The following PIK3R5 variants were observed in gnomAD, a reference collection of about 807,000 sequenced individuals.
The protein encoded by PIK3R5 is phosphoinositide-3-kinase regulatory subunit 5.
PIK3R5 carries 32 observed loss-of-function variants against 94.9 expected under a neutral mutation model. The observed-to-expected ratio is 0.34, with a 90% CI of 0.25 to 0.45. The LOEUF (loss-of-function observed/expected upper bound fraction) is 0.45. PIK3R5 is among the 20% of genes least tolerant of loss of function. The pLI, the probability that PIK3R5 is intolerant of heterozygous loss-of-function variation, is 1.00. For synonymous variants in PIK3R5, 443 were observed against 479.4 expected, an observed-to-expected ratio of 0.92 and a Z score of 0.99; for missense variants, 853 against 1,144.6, an observed-to-expected ratio of 0.75 and a Z score of 3.68.
Position 8,881,910 on chromosome 17 carries a change from GA to G in PIK3R5, c.2206-30del. 3 of 1,564,018 alleles carry G rather than the reference GA, an allele frequency of 1.9e-6. No individual in the cohort carries two copies. Among genetic ancestry groups the G allele is most frequent in the Non-Finnish European group, 2.6e-6 (3 of 1,138,900 alleles). On this transcript the variant is annotated intron_variant, in intron 15 of 18. Transcript: ENST00000447110. The surrounding 1 kb of genome is among the most constrained non-coding windows in gnomAD (Gnocchi z 4.8). ...GAAATGCAGTGTAGCCAGACCCTCT[GA>G]GTCCAGAGGCCCCGGTGCCTGCTGC...
Position 8,927,541 on chromosome 17 carries a change from T to C in PIK3R5, c.-13-16034A>G, listed in dbSNP as rs114621658. On this transcript the variant is annotated intron_variant, in intron 1 of 18. Transcript: ENST00000447110. ...GTAAAGAGACACCTCCATGATAAGA[T>C]GATGTCAGAGGAAGCCTAGCAGGGA... 5.5e-3 allele frequency among the ~76,000 whole-genome samples: 843 copies of C among 152,220 alleles called. 5 individuals are homozygous for C. Among genetic ancestry groups the C allele is most frequent in the African/African-American group, 0.019 (801 of 41,538 alleles).
rs1340576217 is a variant in PIK3R5 at position 8,911,528 on chromosome 17, G to A, written c.-13-21C>T. ...ATCGCCTGCATGGGGGACAGACGCCGGTCAGCTTGTCGAGCTCCTTTCCCA... is the reference window on the plus strand; with the variant it reads ...ATCGCCTGCATGGGGGACAGACGCCAGTCAGCTTGTCGAGCTCCTTTCCCA... On this transcript the variant is annotated intron_variant, in intron 1 of 18. Transcript: ENST00000447110. This position sits in a 1 kb window ranked among gnomAD's most constrained non-coding sequence, Gnocchi z 5.3. 14 of 1,515,052 alleles carry A rather than the reference G, an allele frequency of 9.2e-6. No homozygotes were observed. The highest frequency in any genetic ancestry group is 6.8e-5 in the African/African-American group (5 of 73,418). The allele number at this position is 1,515,052 out of a possible 1,614,324, so 93.9% of individuals were successfully genotyped here. A position where few individuals can be genotyped will look rare whatever the true frequency, so the allele number is the denominator to read the frequency against.
In PIK3R5 at chr17:8,942,899, C is replaced by T. The variant is rs560314874; in HGVS notation, c.-14+22697G>A. Among the ~76,000 whole-genome samples the T allele has an allele frequency of 1.3e-4, 19 of 151,856 alleles. No individual in the cohort carries two copies. The East Asian group carries it at 3.3e-3, about 26-fold the overall frequency. On this transcript the variant is annotated intron_variant, in intron 1 of 18. Transcript: ENST00000447110. ...GGGATTACAGGTGTGAACCACTGCA[C>T]CCGGCCCTGTCAGCCTTATTCTTAT...
chr17:8,944,472 C>T (rs1403658408), intron 1 of PIK3R5, among the ~76,000 whole-genome samples: 1 of 152,170 alleles, frequency 6.6e-6, no homozygotes, highest in East Asian at 1.9e-4. Flanking sequence ...CTGTTGTGTG[C>T]CCATCATCAG....
intron 1 of PIK3R5, among the ~76,000 whole-genome samples, chr17:8,953,938 G>A (rs2091422966): frequency 6.6e-6 from 1 of 152,060 alleles, no homozygotes; most frequent in Non-Finnish European, 1.5e-5. Context: ...TCTCAGATAT[G>A]CACGGAGAGA....
chr17:8,951,239 C>T (rs2091369846), intron 1 of PIK3R5, among the ~76,000 whole-genome samples: 1 of 152,114 alleles, frequency 6.6e-6, no homozygotes, highest in Admixed American at 6.6e-5. Context: ...ATATTTTCTC[C>T]CATTCTGTAG....
In PIK3R5 at chr17:8,912,933, C is replaced by T. The variant is rs554201849; in HGVS notation, c.-13-1426G>A. On this transcript the variant is annotated intron_variant, in intron 1 of 18. Coordinates refer to ENST00000447110, the MANE Select transcript of PIK3R5 (RefSeq NM_001142633.3). ...AAGCCGGACAGTGCAGCAGTGGGCA[C>T]GCAGGAAGCGGCACACGCACCTTGG... 7.2e-5 allele frequency among the ~76,000 whole-genome samples: 11 copies of T among 152,288 alleles called. No homozygotes were observed. The South Asian group carries it at 1.7e-3, about 23-fold the overall frequency.
At position 8,889,929 on chromosome 17, in the gene PIK3R5, G is replaced by A. The variant is rs779505191; in HGVS notation, c.811+44C>T. ...CCGTGCACCTTGGGACCTAGAATAG[G>A]CCATGGGGAATGTGGGAGAACCCCA... On this transcript the variant is annotated intron_variant, in intron 8 of 18. Coordinates refer to ENST00000447110, the MANE Select transcript of PIK3R5 (RefSeq NM_001142633.3). This position sits in a 1 kb window ranked among gnomAD's most constrained non-coding sequence, Gnocchi z 4.1. 1 of 1,606,722 alleles carries A rather than the reference G, an allele frequency of 6.2e-7. No individual in the cohort carries two copies. Among genetic ancestry groups the A allele is most frequent in the Admixed American group, 1.7e-5 (1 of 59,940 alleles).
rs759023659 is a variant in PIK3R5, at chr17:8,893,082, GTGTT to G, written c.482+500_482+503del. Among the ~76,000 whole-genome samples, 3,226 of 101,340 alleles carry G rather than the reference GTGTT, an allele frequency of 0.032. 40 individuals are homozygous for G. Among genetic ancestry groups the G allele is most frequent in the Middle Eastern group, 0.098 (16 of 164 alleles). 66.5% of individuals were successfully genotyped at this position (101,340 alleles called of 152,430 possible). Reference sequence around the variant, plus strand: ...TGTGTGTGTGTGTGTGTGTGTGTGTGTGTTTGTGTATCAGGCTGTCATATAAAAT... The same window carrying G: ...TGTGTGTGTGTGTGTGTGTGTGTGTGTGTGTATCAGGCTGTCATATAAAAT... On this transcript the variant is annotated intron_variant, in intron 6 of 18. Coordinates refer to ENST00000447110, the MANE Select transcript of PIK3R5 (RefSeq NM_001142633.3). The surrounding 1 kb of genome is among the most constrained non-coding windows in gnomAD (Gnocchi z 5.1).
rs1045208084 is a variant in PIK3R5 at position 8,893,935 on chromosome 17, T to A, written c.413-280A>T. 4 of 286,346 alleles carry A rather than the reference T, an allele frequency of 1.4e-5. No homozygotes were observed. The highest frequency in any genetic ancestry group is 1.0e-3 in the Middle Eastern group (1 of 984). 17.7% of individuals were successfully genotyped at this position (286,346 alleles called of 1,614,324 possible). The stretch of plus-strand genomic sequence containing the variant: ...TCTGGATTCCCGTGGCCTCTCTGAC[T>A]GCCCTCCCTTCCTAAGAGCTTTCCA... On this transcript the variant is annotated intron_variant, in intron 5 of 18. Transcript: ENST00000447110. The surrounding 1 kb of genome is among the most constrained non-coding windows in gnomAD (Gnocchi z 5.1).
chr17:8,937,777 T>A (rs2091101704), intron 1 of PIK3R5, among the ~76,000 whole-genome samples: 1 of 152,220 alleles, frequency 6.6e-6, no homozygotes, highest in South Asian at 2.1e-4. Flanking sequence ...CCTCTTCTTC[T>A]ATTTTCTGGA....
chr17:8,893,235 C>T lies in PIK3R5; in HGVS notation c.482+351G>A, dbSNP rs2090070152. ...CTGAGGGTTAAATTCTGGCTCGTAC[C>T]CTTGCTCGCTGTGTGACCTTGGGGA... On this transcript the variant is annotated intron_variant, in intron 6 of 18. Coordinates refer to ENST00000447110, the MANE Select transcript of PIK3R5 (RefSeq NM_001142633.3). The surrounding 1 kb of genome is among the most constrained non-coding windows in gnomAD (Gnocchi z 5.1). Among the ~76,000 whole-genome samples, 1 of 152,028 alleles carries T rather than the reference C, an allele frequency of 6.6e-6. No individual in the cohort carries two copies. The highest frequency in any genetic ancestry group is 1.5e-5 in the Non-Finnish European group (1 of 68,016).
rs543814461 is a variant in PIK3R5 at position 8,935,700 on chromosome 17, C to T, written c.-13-24193G>A. ...GGAAGGTTTGTGGCAGGAAAGTGAA[C>T]AGCTCTGAGCTCCCGGACAGCTCCT... On this transcript the variant is annotated intron_variant, in intron 1 of 18. Coordinates refer to ENST00000447110, the MANE Select transcript of PIK3R5 (RefSeq NM_001142633.3). This position sits in a 1 kb window ranked among gnomAD's most constrained non-coding sequence, Gnocchi z 4.5. 1.2e-4 allele frequency among the ~76,000 whole-genome samples: 19 copies of T among 152,248 alleles called. No individual in the cohort carries two copies. In the South Asian group the frequency reaches 3.9e-3, roughly 32 times the overall value.
At chr17:8,913,316 G>C (rs2090564987) in intron 1 of PIK3R5, among the ~76,000 whole-genome samples, 1 of 152,202 alleles carries the variant, frequency 6.6e-6, no homozygotes, top group African/African-American at 2.4e-5. Context: ...CTGGACCCAG[G>C]AGTATATGCC....
chr17:8,913,232 AG>A (rs1262855287), intron 1 of PIK3R5, among the ~76,000 whole-genome samples: 1 of 152,162 alleles, frequency 6.6e-6, no homozygotes, highest in East Asian at 1.9e-4. Flanking sequence ...AGGGCAAATG[AG>A]GGGGAAGAGT....
Position 8,888,937 on chromosome 17 carries a change from A to T in PIK3R5, c.896-46T>A. On this transcript the variant is annotated intron_variant, in intron 9 of 18. Coordinates refer to ENST00000447110, the MANE Select transcript of PIK3R5 (RefSeq NM_001142633.3). The surrounding 1 kb of genome is among the most constrained non-coding windows in gnomAD (Gnocchi z 7.8). ...CACTGTCTGGGCGTCTGGGCCCCGG[A>T]TCCCCTTCTATATTCCCTTTGGAGG... 1 of 1,556,450 alleles carries T rather than the reference A, an allele frequency of 6.4e-7. No homozygotes were observed. Among genetic ancestry groups the T allele is most frequent in the Non-Finnish European group, 8.7e-7 (1 of 1,155,876 alleles).
chr17:8,913,400 T>A (rs1296289459), intron 1 of PIK3R5, among the ~76,000 whole-genome samples: 4 of 152,156 alleles, frequency 2.6e-5, no homozygotes, highest in Non-Finnish European at 4.4e-5. Flanking sequence ...GGTGAAGAGC[T>A]GAGTTCAGAA....
chr17:8,908,597 A>G (rs1417377415), intron 3 of PIK3R5, among the ~76,000 whole-genome samples: 1 of 151,198 alleles, frequency 6.6e-6, no homozygotes, highest in African/African-American at 2.4e-5. Flanking sequence ...ATTCTTTACA[A>G]AAGAGCCCAA....
chr17:8,881,926 G>C lies in PIK3R5; in HGVS notation c.2206-45C>G. On this transcript the variant is annotated intron_variant, in intron 15 of 18. Coordinates refer to ENST00000447110, the MANE Select transcript of PIK3R5 (RefSeq NM_001142633.3). The surrounding 1 kb of genome is among the most constrained non-coding windows in gnomAD (Gnocchi z 4.8). ...AGACCCTCTGAGTCCAGAGGCCCCG[G>C]TGCCTGCTGCCTTCTCTTTGAAGGC... is the stretch of plus-strand genomic sequence containing the variant. 1 of 1,455,714 alleles carries C rather than the reference G, an allele frequency of 6.9e-7. No individual in the cohort carries two copies. The highest frequency in any genetic ancestry group is 1.2e-5 in the South Asian group (1 of 85,372). The allele number at this position is 1,455,714 out of a possible 1,614,324, so 90.2% of individuals were successfully genotyped here. A position where few individuals can be genotyped will look rare whatever the true frequency, so the allele number is the denominator to read the frequency against.
Sources: allele counts gnomAD v4.1 joint callset (sites outside exome capture counted in the v4.1 genomes callset), GRCh38; gene constraint gnomAD v4.1.1; non-coding constraint Gnocchi (gnomAD v3.1); transcripts MANE v1.5; gene names NCBI Gene and HGNC (gene_info 2026-07-23, HGNC 2026-07-21).